Variants in TMSB15B observed in about 807,000 individuals in gnomAD.
TMSB15B encodes the protein thymosin beta-15B.
intron 1 of TMSB15B, among the ~76,000 whole-genome samples, chrX:103,949,153 C>A (rs1359092313): frequency 5.4e-5 from 6 of 110,923 alleles, no homozygotes; most frequent in East Asian, 2.8e-4. Flanking sequence ...AGCAAGAAGG[C>A]CACAGCTGTG....
At position 103,933,565 on chromosome X, in the gene TMSB15B, T is replaced by C. The variant is rs2074989854; in HGVS notation, c.-721+14273T>C. On this transcript the variant is annotated intron_variant, in intron 1 of 3. Transcript: ENST00000419165. ...CTGACTTTTGTGATAATCATTTCTT[T>C]GCTTTTGTTTATAGGTTTTCTTCCT... 2.7e-5 allele frequency among the ~76,000 whole-genome samples: 3 copies of C among 111,867 alleles called. No homozygotes were observed. In the South Asian group the frequency reaches 1.1e-3, roughly 42 times the overall value.
intron 1 of TMSB15B, among the ~76,000 whole-genome samples, chrX:103,938,040 A>G (rs782537846): frequency 2.5e-4 from 28 of 111,250 alleles, no homozygotes; most frequent in Non-Finnish European, 4.3e-4. Flanking sequence ...GAGACGGTTT[A>G]TGATTTCTGT....
chrX:103,941,604 G>A (rs1209395393), intron 1 of TMSB15B, among the ~76,000 whole-genome samples: 2 of 111,663 alleles, frequency 1.8e-5, no homozygotes, highest in Non-Finnish European at 3.8e-5. Context: ...GTGCTACCAT[G>A]ATTTTTCTTG....
intron 1 of TMSB15B, among the ~76,000 whole-genome samples, chrX:103,921,338 T>C (rs1194582234): frequency 8.9e-6 from 1 of 112,061 alleles, no homozygotes. Flanking sequence ...CCCTGTCCCG[T>C]GACATCTGAC....
exon 1 of TMSB15B, chrX:103,919,208 G>A (rs2074943530): frequency 8.8e-6 from 1 of 113,207 alleles, no homozygotes; most frequent in Non-Finnish European, 1.9e-5. Context: ...GCTGGCTGGC[G>A]GGGGCTGAGG....
At chrX:103,928,706 C>A in intron 1 of TMSB15B, 1 of 1,155,177 alleles carries the variant, frequency 8.7e-7, no homozygotes, top group Non-Finnish European at 1.2e-6. Flanking sequence ...GATGGCCTGG[C>A]AGAGCAAGGC....
At chrX:103,932,559 T>C (rs1199687959) in intron 1 of TMSB15B, 1 of 112,433 alleles carries the variant, frequency 8.9e-6, no homozygotes. Flanking sequence ...GTTTAAAGCT[T>C]GAAGCTATTC....
At chrX:103,922,179 T>C (rs1199158376) in intron 1 of TMSB15B, among the ~76,000 whole-genome samples, 3 of 109,019 alleles carry the variant, frequency 2.8e-5, no homozygotes, top group Non-Finnish European at 5.7e-5. Context: ...CCCTATTATC[T>C]CATTTTTATT....
intron 1 of TMSB15B, among the ~76,000 whole-genome samples, chrX:103,950,218 A>G (rs782138555): frequency 2.7e-5 from 3 of 111,523 alleles, no homozygotes; most frequent in East Asian, 2.8e-4. Flanking sequence ...AGAGACCACT[A>G]TTACAAAGGG....
At chrX:103,928,985 A>T in intron 1 of TMSB15B, 1 of 1,188,634 alleles carries the variant, frequency 8.4e-7, no homozygotes, top group Non-Finnish European at 1.1e-6. Flanking sequence ...CTGCAGAGGA[A>T]GTCACACTCC....
At chrX:103,950,402 G>A (rs1465148922) in intron 1 of TMSB15B, among the ~76,000 whole-genome samples, 2 of 110,655 alleles carry the variant, frequency 1.8e-5, no homozygotes, top group African/African-American at 6.6e-5. Context: ...TGGGAGATAG[G>A]AAAGGATGAT....
chrX:103,927,870 G>T (rs1271731996), intron 1 of TMSB15B, among the ~76,000 whole-genome samples: 1 of 111,203 alleles, frequency 9.0e-6, no homozygotes, highest in Non-Finnish European at 1.9e-5. Flanking sequence ...CAGAAAAACC[G>T]ATTGCCTTTC....
chrX:103,930,610 T>G (rs1408501754), intron 1 of TMSB15B, among the ~76,000 whole-genome samples: 1 of 109,834 alleles, frequency 9.1e-6, no homozygotes, highest in Non-Finnish European at 1.9e-5. Context: ...TGCTGTCCCT[T>G]GCACATGAAG....
intron 1 of TMSB15B, chrX:103,930,930 A>G (rs1383155047): frequency 3.6e-5 from 4 of 110,929 alleles, no homozygotes; most frequent in African/African-American, 1.3e-4. Flanking sequence ...GACATGTGTT[A>G]TAGTTTCCCC....
At chrX:103,939,434 G>A (rs782742459) in intron 1 of TMSB15B, among the ~76,000 whole-genome samples, 2 of 107,895 alleles carry the variant, frequency 1.9e-5, no homozygotes, top group East Asian at 2.9e-4. Context: ...CCTTTCTTCC[G>A]CTTGATCGAT....
chrX:103,942,707 A>G lies in TMSB15B; in HGVS notation c.-720-19314A>G, dbSNP rs782462685. On this transcript the variant is annotated intron_variant, in intron 1 of 3. Transcript: ENST00000419165. The stretch of plus-strand genomic sequence containing the variant: ...TTGAGTTTTAGTGTAAACAAAAATA[A>G]TGGTTGAAATTCTAATTTTAACATT... 5.4e-5 allele frequency among the ~76,000 whole-genome samples: 6 copies of G among 112,139 alleles called. No homozygotes were observed. In the South Asian group the frequency reaches 2.2e-3, roughly 41 times the overall value.
intron 1 of TMSB15B, among the ~76,000 whole-genome samples, chrX:103,946,267 A>G (rs1556327378): frequency 8.9e-6 from 1 of 112,097 alleles, no homozygotes; most frequent in African/African-American, 3.2e-5. Flanking sequence ...TGGAGGATCC[A>G]CTGCTTTTAT....
At position 103,928,100 on chromosome X, in the gene TMSB15B, G is replaced by C. The variant is rs1556319231; in HGVS notation, c.-721+8808G>C. ...CCTGCACCCAGTTGTCTTCAGCATG[G>C]GGGAGCAGAACCACTCTCCCAGGAA... is the stretch of plus-strand genomic sequence containing the variant. On this transcript the variant is annotated intron_variant, in intron 1 of 3. Transcript: ENST00000419165. 7 of 1,094,282 alleles carry C rather than the reference G, an allele frequency of 6.4e-6. No homozygotes were observed. In the East Asian group the frequency reaches 2.1e-4, roughly 33 times the overall value. 90.2% of individuals were successfully genotyped at this position (1,094,282 alleles called of 1,213,427 possible).
intron 1 of TMSB15B, chrX:103,932,248 G>A (rs1220797405): frequency 1.8e-5 from 2 of 111,803 alleles, no homozygotes; most frequent in African/African-American, 6.5e-5. Context: ...TGTCTGAAGG[G>A]CCTGGGAACA....
Sources: allele counts gnomAD v4.1 joint callset (sites outside exome capture counted in the v4.1 genomes callset), GRCh38; gene constraint gnomAD v4.1.1; transcripts MANE v1.5; gene names NCBI Gene and HGNC (gene_info 2026-07-23, HGNC 2026-07-21).